SLC39A13: variants seen among roughly 807,000 people sequenced by gnomAD.
SLC39A13 encodes zinc transporter ZIP13.
A neutral mutation model predicts 38.7 loss-of-function variants in SLC39A13; 18 were observed. The ratio of observed to expected loss-of-function variants is 0.47; its 90% confidence interval spans 0.32 to 0.69. SLC39A13 has a LOEUF of 0.69. Ranked by LOEUF, SLC39A13 falls within the 30% of genes least tolerant of loss-of-function variation. The pLI is 0.03. For synonymous variants in SLC39A13, 212 were observed against 219.1 expected (o/e 0.97, Z 0.29); for missense variants, 395 against 490.7 (o/e 0.80, Z 1.84).
Position 47,410,183 on chromosome 11 carries a change from C to T in SLC39A13, c.89C>T (p.Ala30Val). Residue 30 changes from alanine (A) to valine (V), a missense_variant, in exon 2 of 10, where the codon GCT becomes GTT. By Grantham distance (64) the Ala-to-Val change is moderately conservative (BLOSUM62 0). Transcript: ENST00000362021. ...CTTGCCCTGGAGCTCTTGGAAAGGG[C>T]TGGGGGTTCCCAGCCGGCCCTCCGG... ...TALALELLER[A>V]GGSQPALRSR... The T allele has an allele frequency of 6.2e-7, 1 of 1,613,742 alleles. No homozygotes were observed. The highest frequency in any genetic ancestry group is 1.1e-5 in the South Asian group (1 of 91,070).
chr11:47,412,285 C>T (rs1016519354), intron 3 of SLC39A13, 61 bp from the exon 4 acceptor site: 2 of 1,567,032 alleles, frequency 1.3e-6, no homozygotes, highest in East Asian at 2.4e-5. Flanking sequence ...TCCAAATGGC[C>T]CCCTCCTATG....
intron 6 of SLC39A13, 52 bp from the exon 7 acceptor site, chr11:47,414,373 G>T: frequency 6.4e-7 from 1 of 1,571,410 alleles, no homozygotes; most frequent in East Asian, 2.3e-5. Context: ...TGGGCGAGTG[G>T]GGTGCTCAGC....
chr11:47,413,677 G>A lies in SLC39A13; in HGVS notation c.726G>A (p.Val242=). ...TGGCTGTGGCTGCCAGCTTCCTTGT[G>A]AGCAAGAAGGTGAGGGGCTTGGGGC... ...HGLAVAASFL[V]SKKIGLLTTM... Residue 242 remains valine (V), a synonymous_variant, in exon 6 of 10, where the codon GTG becomes GTA. Transcript: ENST00000362021. 6.2e-7 allele frequency: 1 copy of A among 1,614,104 alleles called. No individual in the cohort carries two copies. The highest frequency in any genetic ancestry group is 8.5e-7 in the Non-Finnish European group (1 of 1,179,998).
At position 47,410,073 on chromosome 11, in the gene SLC39A13, T is replaced by C. The variant is rs779112917; in HGVS notation, c.-8-14T>C. On this transcript the variant is annotated splice_polypyrimidine_tract_variant and intron_variant, in intron 1 of 9. Coordinates refer to ENST00000362021, the MANE Select transcript of SLC39A13 (RefSeq NM_001128225.3). ...AGGCTGTAGCTCATATAGGTGGCCT[T>C]TTGTGTTTTTCAGTACGTGGCATGC... 1 of 1,611,924 alleles carries C rather than the reference T, an allele frequency of 6.2e-7. No individual in the cohort carries two copies. The highest frequency in any genetic ancestry group is 8.5e-7 in the Non-Finnish European group (1 of 1,179,938).
At chr11:47,409,534 C>T (rs1346870964) in intron 1 of SLC39A13, 1 of 163,232 alleles carries the variant, frequency 6.1e-6, no homozygotes, top group African/African-American at 2.4e-5. Context: ...AGAGAGGCAT[C>T]CCCTGGCTAA....
chr11:47,410,518 T>C, intron 2 of SLC39A13, 123 bp downstream of exon 2: 1 of 1,306,598 alleles, frequency 7.7e-7, no homozygotes, highest in Non-Finnish European at 1.1e-6. Flanking sequence ...ATAGAACTTC[T>C]CCCCTTGGTC....
chr11:47,414,101 C>T (rs112577605), intron 6 of SLC39A13: 3 of 608,270 alleles, frequency 4.9e-6, no homozygotes, highest in African/African-American at 1.8e-5. Flanking sequence ...CTTGGGGCCT[C>T]GACTTACATG....
chr11:47,411,206 C>G (rs939190729), intron 2 of SLC39A13, among the ~76,000 whole-genome samples: 8 of 152,206 alleles, frequency 5.3e-5, no homozygotes, highest in Non-Finnish European at 1.2e-4. Flanking sequence ...GACTTCCAAC[C>G]CTGGATGCTG....
chr11:47,413,595 A>G lies in SLC39A13; in HGVS notation c.646-2A>G, dbSNP rs562787975. On this transcript the variant is annotated splice_acceptor_variant, in intron 5 of 9. Transcript: ENST00000362021. LOFTEE classifies it high-confidence loss of function. ...CTGCCTCCTGCCTTCCCTCCTTCCC[A>G]GGTCAGCGGCTACCTCAACCTGCTG... 6.2e-7 allele frequency: 1 copy of G among 1,614,070 alleles called. No individual in the cohort carries two copies. The highest frequency in any genetic ancestry group is 2.2e-5 in the East Asian group (1 of 44,872).
chr11:47,415,473 A>G lies in SLC39A13; in HGVS notation c.*110A>G. 8.0e-7 allele frequency: 1 copy of G among 1,257,034 alleles called. No individual in the cohort carries two copies. The highest frequency in any genetic ancestry group is 1.2e-5 in the South Asian group (1 of 82,920). The allele number at this position is 1,257,034 out of a possible 1,614,324, so 77.9% of individuals were successfully genotyped here. Reference sequence around the variant, plus strand: ...GGGCGAGTGGCTGCGAGAGAGAATGAGCCTCCCGCCAGACAGGAGGGAGGT... The same window carrying G: ...GGGCGAGTGGCTGCGAGAGAGAATGGGCCTCCCGCCAGACAGGAGGGAGGT... On this transcript the variant is annotated 3_prime_UTR_variant, in exon 10 of 10. Transcript: ENST00000362021.
intron 7 of SLC39A13, 108 bp from the exon 8 acceptor site, chr11:47,414,669 A>AGGGGAAGGGT: frequency 6.4e-7 from 1 of 1,559,304 alleles, no homozygotes; most frequent in Non-Finnish European, 8.7e-7. Flanking sequence ...TGGGGGTCCC[A>AGGGGAAGGGT]GGGGAAGGGT....
At chr11:47,408,706 T>C (rs2095982125) in intron 1 of SLC39A13, 44 bp downstream of exon 1, 1 of 152,950 alleles carries the variant, frequency 6.5e-6, no homozygotes, top group Non-Finnish European at 1.5e-5. Context: ...CCGGGCGTGA[T>C]GGACCCGGCC....
chr11:47,412,158 TGGGA>T (rs1165494588), intron 3 of SLC39A13, 119 bp downstream of exon 3: 18 of 1,313,230 alleles, frequency 1.4e-5, no homozygotes, highest in Non-Finnish European at 1.5e-5. Flanking sequence ...GGAGCTTGCC[TGGGA>T]GGGAGGGAGG....
rs2096026380 is a variant in SLC39A13, at chr11:47,416,083, C to T, written c.*720C>T. ...GCAGCCTGCCGGGCAGGGAGCAGCC[C>T]CAGGCCAGAGAGGCCTCCCGGTCCA... On this transcript the variant is annotated 3_prime_UTR_variant, in exon 10 of 10. Coordinates refer to ENST00000362021, the MANE Select transcript of SLC39A13 (RefSeq NM_001128225.3). The T allele has an allele frequency of 6.4e-6, 1 of 155,342 alleles. No homozygotes were observed. The highest frequency in any genetic ancestry group is 1.4e-5 in the Non-Finnish European group (1 of 69,932). 9.6% of individuals were successfully genotyped at this position (155,342 alleles called of 1,614,324 possible).
At chr11:47,408,236 A>T (rs2095979112), upstream of SLC39A13, among the ~76,000 whole-genome samples, 1 of 151,438 alleles carries the variant, frequency 6.6e-6, no homozygotes, top group African/African-American at 2.4e-5. Context: ...GGCCACGGGC[A>T]GACTGCGGCC....
chr11:47,409,433 A>AG (rs1224796807), intron 1 of SLC39A13, among the ~76,000 whole-genome samples: 3 of 152,174 alleles, frequency 2.0e-5, no homozygotes, highest in Non-Finnish European at 2.9e-5. Flanking sequence ...TGAGGCTCAG[A>AG]GGGGGGGCTT....
Position 47,412,377 on chromosome 11 carries a change from A to G in SLC39A13, c.447A>G (p.Gln149=). Residue 149 remains glutamine (Q), a synonymous_variant, in exon 4 of 10, where the codon CAA becomes CAG. Transcript: ENST00000362021. The part of the protein sequence containing the change: ...GGEGQSLQQQ[Q]QLGLWVIAGI... The stretch of plus-strand genomic sequence containing the variant: ...AGGGGCAGAGCCTGCAGCAGCAGCA[A>G]CAGCTGGGGCTGTGGGTCATTGCTG... 6.2e-7 allele frequency: 1 copy of G among 1,614,154 alleles called. No homozygotes were observed. Among genetic ancestry groups the G allele is most frequent in the Non-Finnish European group, 8.5e-7 (1 of 1,179,988 alleles).
At chr11:47,414,210 T>A (rs1326123374) in intron 6 of SLC39A13, 3 of 627,356 alleles carry the variant, frequency 4.8e-6, no homozygotes, top group Non-Finnish European at 8.5e-6. Flanking sequence ...CCAGCGCCTG[T>A]GAGTGTGTGA....
chr11:47,411,875 G>T, intron 2 of SLC39A13, 51 bp from the exon 3 acceptor site: 1 of 1,561,390 alleles, frequency 6.4e-7, no homozygotes, highest in South Asian at 1.2e-5. Flanking sequence ...TGAAGGTCAG[G>T]CCAGGAGCTC....
Sources: allele counts gnomAD v4.1 joint callset (sites outside exome capture counted in the v4.1 genomes callset), GRCh38; gene constraint gnomAD v4.1.1; transcripts MANE v1.5; gene names NCBI Gene and HGNC (gene_info 2026-07-23, HGNC 2026-07-21).